The following STYXL1 variants were observed in gnomAD, a reference collection of about 807,000 sequenced individuals.
The protein encoded by STYXL1 is serine/threonine/tyrosine interacting like 1, also known as serine/threonine/tyrosine-interacting-like protein 1.
Under a neutral mutation model 36.4 loss-of-function variants are expected in STYXL1, and 32 were observed. The ratio of observed to expected loss-of-function variants is 0.88; its 90% confidence interval spans 0.66 to 1.18. The LOEUF (loss-of-function observed/expected upper bound fraction) is 1.18. STYXL1 is among the 50% of genes most tolerant of loss of function. The pLI is 0.00. For missense variants in STYXL1, 354 were observed against 394.1 expected (o/e 0.90, Z 0.86); for synonymous variants, 133 against 144.1 (o/e 0.92, Z 0.55).
chr7:76,016,313 C>T (rs1389080393), intron 4 of STYXL1, among the ~76,000 whole-genome samples: 2 of 150,890 alleles, frequency 1.3e-5, no homozygotes, highest in Admixed American at 6.6e-5. Flanking sequence ...TATATATACA[C>T]GTATATCTAT....
At chr7:76,001,089 C>T (rs553683550) in intron 7 of STYXL1, 87 bp from the exon 8 acceptor site, 11 of 1,015,610 alleles carry the variant, frequency 1.1e-5, no homozygotes, top group East Asian at 7.2e-5. Context: ...TCCATGGGCC[C>T]GTGGTCCAAG....
chr7:76,003,668 G>A (rs1249568372), intron 7 of STYXL1, 90 bp downstream of exon 7: 18 of 1,177,968 alleles, frequency 1.5e-5, no homozygotes, highest in Non-Finnish European at 1.6e-5. Context: ...GGGAAATCAC[G>A]GTCCAGAATA....
chr7:76,001,973 T>C lies in STYXL1; in HGVS notation c.698-971A>G, dbSNP rs145675439. ...TTTATTTTATTTTAGAGACTGGGTC[T>C]TGCTCTGTTGCCCAGGCTGGAACGC... On this transcript the variant is annotated intron_variant, in intron 7 of 8. Transcript: ENST00000359697. Among the ~76,000 whole-genome samples the C allele has an allele frequency of 8.0e-3, 1,217 of 151,184 alleles. 14 individuals carry two copies. The highest frequency in any genetic ancestry group is 0.028 in the African/African-American group (1,146 of 41,214).
At chr7:75,999,418 T>G (rs1790521867) in intron 8 of STYXL1, among the ~76,000 whole-genome samples, 1 of 152,126 alleles carries the variant, frequency 6.6e-6, no homozygotes, top group Admixed American at 6.6e-5. Context: ...GGAGATTAGT[T>G]GTACAATAAT....
chr7:76,010,341 G>A (rs1792404498), intron 5 of STYXL1, among the ~76,000 whole-genome samples: 1 of 152,136 alleles, frequency 6.6e-6, no homozygotes, highest in Admixed American at 6.6e-5. Context: ...GGATGTCTTT[G>A]GGAGCCAGGC....
chr7:76,047,713 T>G lies in STYXL1; in HGVS notation c.-56A>C. On this transcript the variant is annotated 5_prime_UTR_variant, in exon 1 of 9. Transcript: ENST00000359697. ...GCCTCCAAGGGCAGAAGGAATGGGT[T>G]TGGCTGAGGTCGGGGGCTCGGGTCT... 2 of 238,362 alleles carry G rather than the reference T, an allele frequency of 8.4e-6. No individual in the cohort carries two copies. Among genetic ancestry groups the G allele is most frequent in the Non-Finnish European group, 1.7e-5 (2 of 119,062 alleles). 14.8% of individuals were successfully genotyped at this position (238,362 alleles called of 1,614,324 possible).
intron 8 of STYXL1, chr7:75,998,684 T>C (rs1306565360): frequency 1.3e-5 from 2 of 152,000 alleles, no homozygotes; most frequent in South Asian, 2.1e-4. Context: ...GAAAACTAGA[T>C]ACGCCATGCA....
At chr7:76,012,021 T>C (rs1302660634) in intron 5 of STYXL1, among the ~76,000 whole-genome samples, 1 of 152,248 alleles carries the variant, frequency 6.6e-6, no homozygotes, top group Non-Finnish European at 1.5e-5. Context: ...AAAAATAGGC[T>C]GAGTGCAGTG....
intron 8 of STYXL1, chr7:76,000,475 G>A (rs1357267121): frequency 6.6e-6 from 3 of 457,944 alleles, no homozygotes; most frequent in Non-Finnish European, 1.3e-5. Context: ...GTTCCGCCTG[G>A]GTTTGCTGCG....
rs148598060 is a variant in STYXL1, at chr7:76,014,248, T to C, written c.308-361A>G. Among the ~76,000 whole-genome samples the C allele has an allele frequency of 1.3e-3, 205 of 152,226 alleles. 9 individuals are homozygous for C. The South Asian group carries it at 0.038, about 28-fold the overall frequency. ...CCTCGGCCTCCCAAAGTGCTGAGAT[T>C]ACAGGCGTGAGCCACCATGCCCGGC... On this transcript the variant is annotated intron_variant, in intron 4 of 8. Transcript: ENST00000359697.
At chr7:76,006,488 G>C (rs925287758) in intron 5 of STYXL1, among the ~76,000 whole-genome samples, 49 of 152,222 alleles carry the variant, frequency 3.2e-4, no homozygotes, top group African/African-American at 1.2e-3. Context: ...CGTTTGCCGG[G>C]CGCAGTGGCT....
chr7:76,016,382 T>A (rs978963223), intron 4 of STYXL1, among the ~76,000 whole-genome samples: 2 of 151,584 alleles, frequency 1.3e-5, no homozygotes, highest in East Asian at 3.9e-4. Flanking sequence ...ATATAGCGTA[T>A]ATACGTATGT....
rs537369573 is a variant in STYXL1, at chr7:76,040,408, G to A, written c.-5+7254C>T. Reference sequence around the variant, plus strand: ...CAGACTCAGATCTGCCACAATCAGCGACTCTCAGCTCTTGGAAGCCCCTTG... The same window carrying A: ...CAGACTCAGATCTGCCACAATCAGCAACTCTCAGCTCTTGGAAGCCCCTTG... On this transcript the variant is annotated intron_variant, in intron 1 of 8. Coordinates refer to ENST00000359697, the MANE Select transcript of STYXL1 (RefSeq NM_001317785.2). 9.9e-5 allele frequency among the ~76,000 whole-genome samples: 15 copies of A among 152,254 alleles called. 2 individuals are homozygous for A. In the South Asian group the frequency reaches 1.2e-3, roughly 13 times the overall value.
Position 76,046,337 on chromosome 7 carries a change from TGTGCGCGCGC to T in STYXL1, c.-5+1315_-5+1324del, listed in dbSNP as rs1368906171. Reference sequence around the variant, plus strand: ...GTGTGTGTGTGTGTGTGTGTGTGTGTGTGCGCGCGCGCGCGCGCGCGCTTTTGAGCCGGAG... The same window carrying T: ...GTGTGTGTGTGTGTGTGTGTGTGTGTGCGCGCGCGCGCTTTTGAGCCGGAG... On this transcript the variant is annotated intron_variant, in intron 1 of 8. Transcript: ENST00000359697. 8.9e-3 allele frequency among the ~76,000 whole-genome samples: 210 copies of T among 23,464 alleles called. 1 individual carries two copies. Among genetic ancestry groups the T allele is most frequent in the African/African-American group, 9.6e-3 (83 of 8,686 alleles). The allele number at this position is 23,464 out of a possible 152,430, so 15.4% of individuals were successfully genotyped here.
At chr7:75,999,535 G>A (rs1790576970) in intron 8 of STYXL1, among the ~76,000 whole-genome samples, 2 of 135,262 alleles carry the variant, frequency 1.5e-5, no homozygotes, top group Non-Finnish European at 1.6e-5. Context: ...GTGTGTGTGT[G>A]TGTGTGTGTG....
intron 3 of STYXL1, among the ~76,000 whole-genome samples, chr7:76,028,406 C>A (rs917430502): frequency 6.6e-6 from 1 of 152,032 alleles, no homozygotes; most frequent in Admixed American, 6.6e-5. Flanking sequence ...CAGAGCGAGA[C>A]CCGGTCTCAA....
At chr7:76,021,806 A>T in intron 4 of STYXL1, 45 bp downstream of exon 4, 1 of 1,462,176 alleles carries the variant, frequency 6.8e-7, no homozygotes. Flanking sequence ...AAATTTGTTC[A>T]ATAGCCGTTA....
At chr7:76,013,305 G>A (rs538056284) in intron 5 of STYXL1, among the ~76,000 whole-genome samples, 59 of 140,928 alleles carry the variant, frequency 4.2e-4, no homozygotes, top group African/African-American at 1.5e-3. Flanking sequence ...CAGCCTGGGC[G>A]ACAGAGCGAG....
At chr7:76,039,238 C>A (rs560330584) in intron 1 of STYXL1, among the ~76,000 whole-genome samples, 1 of 149,032 alleles carries the variant, frequency 6.7e-6, no homozygotes, top group Admixed American at 6.6e-5. Context: ...ACCCGGCCAA[C>A]TAATTTTTTT....
Sources: gnomAD v4.1 joint callset for allele counts (sites outside exome capture counted in the v4.1 genomes callset) on GRCh38, gnomAD v4.1.1 for gene constraint, MANE v1.5 for transcripts, NCBI Gene and HGNC (gene_info 2026-07-23, HGNC 2026-07-21) for gene names.